CNOT2: variants seen among roughly 807,000 people sequenced by gnomAD.
The protein encoded by CNOT2 is CC chemokine receptor 4-negative regulator of transcription 2.
In CNOT2, 7 loss-of-function variants were observed where a neutral mutation model predicts 72.1. The observed-to-expected ratio is 0.10, with a 90% CI of 0.06 to 0.18. The LOEUF is 0.18. Among genes scored for constraint, CNOT2 ranks in the 10% least tolerant of loss-of-function variants. The pLI is 1.00. For synonymous variants in CNOT2, 196 were observed against 225.6 expected (o/e 0.87, Z 1.17); for missense variants, 345 against 660.3 (o/e 0.52, Z 5.23).
In CNOT2 at chr12:70,354,020, T is replaced by C; in HGVS notation, c.*105T>C. 6.9e-7 allele frequency: 1 copy of C among 1,457,446 alleles called. No homozygotes were observed. The allele number at this position is 1,457,446 out of a possible 1,614,324, so 90.3% of individuals were successfully genotyped here. ...AACTGATGTGGCTCAGGCACCCTGGTTTTAATTCCTTGAGGATCTGGCAAT... is the reference window on the plus strand; with the variant it reads ...AACTGATGTGGCTCAGGCACCCTGGCTTTAATTCCTTGAGGATCTGGCAAT... On this transcript the variant is annotated 3_prime_UTR_variant, in exon 16 of 16. Transcript: ENST00000229195.
At chr12:70,289,535 C>G (rs1229557957) in intron 2 of CNOT2, among the ~76,000 whole-genome samples, 1 of 152,022 alleles carries the variant, frequency 6.6e-6, no homozygotes, top group Non-Finnish European at 1.5e-5. Flanking sequence ...AATATATTCT[C>G]TGTCTTCACT....
intron 4 of CNOT2, among the ~76,000 whole-genome samples, chr12:70,325,904 T>A (rs1000819162): frequency 1.3e-5 from 2 of 151,886 alleles, no homozygotes; most frequent in Admixed American, 1.3e-4. Flanking sequence ...ATGATTTTAT[T>A]TTTTCATGTA....
chr12:70,308,960 A>G (rs543930556), intron 2 of CNOT2, among the ~76,000 whole-genome samples: 2 of 152,288 alleles, frequency 1.3e-5, no homozygotes, highest in South Asian at 4.1e-4. Context: ...GCTCAATAGT[A>G]AGAGTTCTAT....
chr12:70,314,594 T>C (rs1430885199), intron 3 of CNOT2, among the ~76,000 whole-genome samples: 3 of 152,222 alleles, frequency 2.0e-5, no homozygotes, highest in African/African-American at 7.2e-5. Flanking sequence ...TATAATATAA[T>C]GCCATACTTG....
chr12:70,328,858 G>GT (rs907647582), intron 4 of CNOT2, among the ~76,000 whole-genome samples: 8 of 151,498 alleles, frequency 5.3e-5, no homozygotes, highest in Middle Eastern at 3.4e-3. Flanking sequence ...ATCAGTTTGA[G>GT]TTTTTTTTAA....
At chr12:70,339,087 T>C (rs1269374690) in intron 11 of CNOT2, among the ~76,000 whole-genome samples, 244 of 133,930 alleles carry the variant, frequency 1.8e-3, no homozygotes, top group African/African-American at 5.5e-3. Context: ...TATATATATA[T>C]ATATACACAC....
rs192816693 is a variant in CNOT2, at chr12:70,303,501, T to G, written c.49-7394T>G. Among the ~76,000 whole-genome samples, 3 of 152,364 alleles carry G rather than the reference T, an allele frequency of 2.0e-5. No homozygotes were observed. In the East Asian group the frequency reaches 5.8e-4, roughly 29 times the overall value. ...AGCTTAGTTTGGCTGGATATGAAAT[T>G]CTGGGTTGAAAATTCTTTTCTTTAA... On this transcript the variant is annotated intron_variant, in intron 2 of 15. Coordinates refer to ENST00000229195, the MANE Select transcript of CNOT2 (RefSeq NM_014515.7).
chr12:70,319,486 T>C, intron 4 of CNOT2, 122 bp downstream of exon 4: 1 of 905,662 alleles, frequency 1.1e-6, no homozygotes, highest in Admixed American at 2.3e-5. Context: ...GAAAAATGTT[T>C]AATTTTCAGA....
chr12:70,256,277 A>G lies in CNOT2; in HGVS notation c.-96+12797A>G, dbSNP rs368912135. Among the ~76,000 whole-genome samples, 29 of 152,304 alleles carry G rather than the reference A, an allele frequency of 1.9e-4. No homozygotes were observed. In the East Asian group the frequency reaches 2.1e-3, roughly 11 times the overall value. ...TTTCAAAATAGTTTCAGATTTATCA[A>G]TTGGCCCAGAAAAAGAGTATTTAAT... On this transcript the variant is annotated intron_variant, in intron 1 of 15. Transcript: ENST00000229195.
chr12:70,289,126 A>G (rs1871422189), intron 2 of CNOT2, among the ~76,000 whole-genome samples: 1 of 151,606 alleles, frequency 6.6e-6, no homozygotes, highest in Admixed American at 6.6e-5. Flanking sequence ...AGGATTAAAA[A>G]ATTTTTTTTC....
intron 2 of CNOT2, among the ~76,000 whole-genome samples, chr12:70,293,130 A>C (rs115572219): frequency 0.017 from 2,569 of 150,896 alleles, 70 homozygotes; most frequent in African/African-American, 0.059. Flanking sequence ...CAAGGATTCA[A>C]CATTTTTGTA....
chr12:70,306,338 G>T (rs962857258), intron 2 of CNOT2, among the ~76,000 whole-genome samples: 4 of 151,932 alleles, frequency 2.6e-5, no homozygotes, highest in African/African-American at 7.3e-5. Context: ...TGTATTTTTA[G>T]TAGAGACAGG....
At chr12:70,269,449 A>G (rs1959176575) in intron 1 of CNOT2, among the ~76,000 whole-genome samples, 1 of 152,118 alleles carries the variant, frequency 6.6e-6, no homozygotes, top group Non-Finnish European at 1.5e-5. Context: ...ATAATAGTTT[A>G]CATGTGCAAA....
chr12:70,339,014 ATGTGTGTGTGTGTGTGTG>A (rs143055295), intron 11 of CNOT2, among the ~76,000 whole-genome samples, 192 bp downstream of exon 11: 1 of 131,048 alleles, frequency 7.6e-6, no homozygotes, highest in African/African-American at 2.9e-5. Flanking sequence ...TTGGCATTTT[ATGTGTGTGTGTGTGTGTG>A]TGTGTGTGTG....
chr12:70,258,200 T>C (rs1010700633), intron 1 of CNOT2, among the ~76,000 whole-genome samples: 1 of 152,192 alleles, frequency 6.6e-6, no homozygotes, highest in Non-Finnish European at 1.5e-5. Flanking sequence ...TATTCCATAC[T>C]TCCTGGGAAG....
intron 1 of CNOT2, among the ~76,000 whole-genome samples, chr12:70,267,026 T>C (rs1959083029): frequency 6.6e-6 from 1 of 152,204 alleles, no homozygotes; most frequent in African/African-American, 2.4e-5. Context: ...ATCTGACTAC[T>C]TTTAATATTG....
intron 2 of CNOT2, among the ~76,000 whole-genome samples, chr12:70,302,687 A>G (rs1239750636): frequency 6.6e-6 from 1 of 152,212 alleles, no homozygotes; most frequent in African/African-American, 2.4e-5. Flanking sequence ...AAGAATGTAT[A>G]TTCTGTTGAT....
At chr12:70,271,375 C>CTTTTTT (rs11285130) in intron 1 of CNOT2, among the ~76,000 whole-genome samples, 2 of 89,480 alleles carry the variant, frequency 2.2e-5, no homozygotes, top group Non-Finnish European at 4.4e-5. Flanking sequence ...ATCACATTTC[C>CTTTTTT]TTTTTTTTTT....
In CNOT2 at chr12:70,278,220, C is replaced by T. The variant is rs779174363; in HGVS notation, c.-7C>T. 5.0e-6 allele frequency: 8 copies of T among 1,608,832 alleles called. No individual in the cohort carries two copies. The highest frequency in any genetic ancestry group is 6.8e-6 in the Non-Finnish European group (8 of 1,175,650). On this transcript the variant is annotated 5_prime_UTR_variant, in exon 2 of 16. The change creates a new upstream start codon in the 5' untranslated region. Transcript: ENST00000229195. ...CCTCCGGTACTGTGAGGAAAGGACA[C>T]GACTCTATGGTGAGGACTGATGGAC... is the stretch of plus-strand genomic sequence containing the variant.
Sources: allele counts gnomAD v4.1 joint callset (sites outside exome capture counted in the v4.1 genomes callset), GRCh38; gene constraint gnomAD v4.1.1; transcripts MANE v1.5; gene names NCBI Gene and HGNC (gene_info 2026-07-23, HGNC 2026-07-21).